CFAP299: variants seen among roughly 807,000 people sequenced by gnomAD.
CFAP299 encodes the protein cilia- and flagella-associated protein 299.
Under a neutral mutation model 27.0 loss-of-function variants are expected in CFAP299, and 21 were observed. The observed-to-expected ratio is 0.78, with a 90% CI of 0.55 to 1.12. The LOEUF is 1.12. Ranked by LOEUF, CFAP299 falls within the 50% of genes most tolerant of loss-of-function variation. The pLI is 0.00. For missense variants in CFAP299, 310 were observed against 276.6 expected (o/e 1.12, Z -0.86); for synonymous variants, 104 against 98.1 (o/e 1.06, Z -0.36).
rs550895506 is a variant in CFAP299, at chr4:80,631,259, AT to A, written c.333+48079del. Among the ~76,000 whole-genome samples the A allele has an allele frequency of 2.5e-3, 385 of 152,116 alleles. 2 individuals are homozygous for A. Among genetic ancestry groups the A allele is most frequent in the African/African-American group, 9.0e-3 (374 of 41,556 alleles). Reference sequence around the variant, plus strand: ...TTTATAATTTATTTTTATAAGAAACATTTGTTGGTATAGCATTATATAATTC... The same window carrying A: ...TTTATAATTTATTTTTATAAGAAACATTGTTGGTATAGCATTATATAATTC... On this transcript the variant is annotated intron_variant, in intron 3 of 5. Coordinates refer to ENST00000358105, the MANE Select transcript of CFAP299 (RefSeq NM_152770.3).
At chr4:80,537,768 A>G (rs1167941605) in intron 2 of CFAP299, among the ~76,000 whole-genome samples, 1 of 151,990 alleles carries the variant, frequency 6.6e-6, no homozygotes, top group Admixed American at 6.6e-5. Context: ...TAGCATGGTG[A>G]CTATAGTTAA....
chr4:80,832,215 G>A (rs1435126122), intron 3 of CFAP299, among the ~76,000 whole-genome samples: 1 of 152,064 alleles, frequency 6.6e-6, no homozygotes, highest in Non-Finnish European at 1.5e-5. Flanking sequence ...TACAGGATAC[G>A]CACTACATAA....
chr4:80,826,501 T>A (rs1046427833), intron 3 of CFAP299, among the ~76,000 whole-genome samples: 1 of 151,786 alleles, frequency 6.6e-6, no homozygotes, highest in African/African-American at 2.4e-5. Flanking sequence ...AGGTTTAATA[T>A]AGCAAGAATA....
chr4:80,692,567 C>T (rs1288562680), intron 3 of CFAP299, among the ~76,000 whole-genome samples: 7 of 152,184 alleles, frequency 4.6e-5, no homozygotes, highest in South Asian at 2.1e-4. Context: ...AAGACTTAAA[C>T]GTTAGACCTA....
chr4:80,662,380 C>G (rs1740896672), intron 3 of CFAP299, among the ~76,000 whole-genome samples: 1 of 147,342 alleles, frequency 6.8e-6, no homozygotes, highest in African/African-American at 2.5e-5. Context: ...GGAAAAGAAC[C>G]TATGTGAAAT....
chr4:80,606,263 G>A (rs759794653), intron 3 of CFAP299, among the ~76,000 whole-genome samples: 30 of 152,190 alleles, frequency 2.0e-4, no homozygotes, highest in Non-Finnish European at 4.0e-4. Context: ...TAGGCTGGGC[G>A]TGGTGGCTCA....
chr4:80,353,007 G>T (rs1723087141), intron 1 of CFAP299, among the ~76,000 whole-genome samples: 1 of 152,092 alleles, frequency 6.6e-6, no homozygotes, highest in African/African-American at 2.4e-5. Flanking sequence ...ACCTTAAGAA[G>T]CTTTAAAACA....
intron 3 of CFAP299, among the ~76,000 whole-genome samples, chr4:80,683,236 A>G (rs1719957978): frequency 6.6e-6 from 1 of 152,186 alleles, no homozygotes; most frequent in South Asian, 2.1e-4. Context: ...GCTCTAAAAC[A>G]TCTCAGAAGG....
At chr4:80,541,948 T>C (rs1440838079) in intron 2 of CFAP299, among the ~76,000 whole-genome samples, 1 of 150,918 alleles carries the variant, frequency 6.6e-6, no homozygotes, top group Admixed American at 6.6e-5. Flanking sequence ...TATCTCCCAA[T>C]GCTAAAACTT....
rs528159109 is a variant in CFAP299 at position 80,819,085 on chromosome 4, A to G, written c.334-50908A>G. Among the ~76,000 whole-genome samples the G allele has an allele frequency of 1.1e-3, 165 of 152,246 alleles. 1 individual carries two copies. The highest frequency in any genetic ancestry group is 3.7e-3 in the African/African-American group (153 of 41,560). Reference sequence around the variant, plus strand: ...TTTAAGTAAATTAGGAAGTCATTGTATATTAAATAGATTTAATGTGAAGCA... The same window carrying G: ...TTTAAGTAAATTAGGAAGTCATTGTGTATTAAATAGATTTAATGTGAAGCA... On this transcript the variant is annotated intron_variant, in intron 3 of 5. Transcript: ENST00000358105.
intron 2 of CFAP299, among the ~76,000 whole-genome samples, chr4:80,582,423 A>G (rs182057230): frequency 6.6e-6 from 1 of 152,080 alleles, no homozygotes; most frequent in East Asian, 1.9e-4. Flanking sequence ...TAGCAGACAC[A>G]TAATGAAAAA....
intron 3 of CFAP299, among the ~76,000 whole-genome samples, chr4:80,839,613 T>G (rs1730754165): frequency 6.6e-6 from 1 of 151,928 alleles, no homozygotes. Flanking sequence ...ATTGCTAGAA[T>G]AAGCAGATAG....
intron 1 of CFAP299, among the ~76,000 whole-genome samples, chr4:80,349,641 G>A (rs555422609): frequency 4.6e-5 from 7 of 152,080 alleles, no homozygotes; most frequent in African/African-American, 7.2e-5. Context: ...GGACTGCAAC[G>A]AGGAACTCAT....
At chr4:80,846,410 C>T (rs938943343) in intron 3 of CFAP299, among the ~76,000 whole-genome samples, 1 of 152,134 alleles carries the variant, frequency 6.6e-6, no homozygotes, top group East Asian at 1.9e-4. Context: ...GCACCTAGGA[C>T]AGCACTTGGT....
At chr4:80,562,367 G>T (rs1165861790) in intron 2 of CFAP299, among the ~76,000 whole-genome samples, 1 of 152,016 alleles carries the variant, frequency 6.6e-6, no homozygotes, top group South Asian at 2.1e-4. Context: ...GGAGGCCAAG[G>T]AGGGCAGATC....
At chr4:80,792,306 G>T (rs986447955) in intron 3 of CFAP299, among the ~76,000 whole-genome samples, 5 of 151,996 alleles carry the variant, frequency 3.3e-5, no homozygotes, top group Admixed American at 2.6e-4. Context: ...ATTATGTCTG[G>T]GTTGATTTGG....
chr4:80,665,890 C>G lies in CFAP299; in HGVS notation c.333+82707C>G, dbSNP rs534381845. 1.3e-4 allele frequency among the ~76,000 whole-genome samples: 20 copies of G among 152,192 alleles called. No homozygotes were observed. In the East Asian group the frequency reaches 2.1e-3, roughly 16 times the overall value. ...GTATATGGCACCTCTTCTCTCTCCC[C>G]CTTGGTCCTGCTCCTGCCACGTGAG... On this transcript the variant is annotated intron_variant, in intron 3 of 5. Transcript: ENST00000358105.
At chr4:80,848,498 A>C (rs1013231310) in intron 3 of CFAP299, among the ~76,000 whole-genome samples, 2 of 152,142 alleles carry the variant, frequency 1.3e-5, no homozygotes, top group Admixed American at 6.5e-5. Context: ...CTAAACATAG[A>C]AAAGGCACAA....
At chr4:80,495,648 T>A (rs1277924369) in intron 2 of CFAP299, among the ~76,000 whole-genome samples, 1 of 152,188 alleles carries the variant, frequency 6.6e-6, no homozygotes, top group Non-Finnish European at 1.5e-5. Flanking sequence ...AAATTTGTTT[T>A]AAAAAATTAG....
Sources: gnomAD v4.1 joint callset for allele counts (sites outside exome capture counted in the v4.1 genomes callset) on GRCh38, gnomAD v4.1.1 for gene constraint, MANE v1.5 for transcripts, NCBI Gene and HGNC (gene_info 2026-07-23, HGNC 2026-07-21) for gene names.